RBFOX1: variants seen among roughly 807,000 people sequenced by gnomAD.
RBFOX1 encodes the protein RNA binding protein fox-1 homolog 1.
Under a neutral mutation model 57.7 loss-of-function variants are expected in RBFOX1, and 8 were observed. The ratio of observed to expected loss-of-function variants is 0.14; its 90% CI spans 0.08 to 0.25. The LOEUF is 0.25. RBFOX1 is among the 10% of genes least tolerant of loss of function. The probability of loss-of-function intolerance (pLI) is 1.00; values close to 1 mark genes in which losing one functional copy is unlikely to be tolerated. For synonymous variants in RBFOX1, 326 were observed against 222.4 expected (o/e 1.47, Z -4.15); for missense variants, 611 against 548.5 (o/e 1.11, Z -1.14).
intron 4 of RBFOX1, among the ~76,000 whole-genome samples, chr16:5,911,705 G>T (rs928034051): frequency 6.6e-6 from 1 of 152,164 alleles, no homozygotes; most frequent in African/African-American, 2.4e-5. Flanking sequence ...GGGAAGTCCA[G>T]GATGAAGGCA....
At chr16:6,929,926 A>G (rs1207425445) in intron 3 of RBFOX1, among the ~76,000 whole-genome samples, 1 of 152,214 alleles carries the variant, frequency 6.6e-6, no homozygotes, top group Non-Finnish European at 1.5e-5. Context: ...GAAAACATCC[A>G]CTATGCATTC....
intron 2 of RBFOX1, among the ~76,000 whole-genome samples, chr16:6,510,980 G>A (rs113660661): frequency 1.6e-3 from 246 of 152,268 alleles, no homozygotes; most frequent in African/African-American, 5.6e-3. Context: ...GTCTCCCACG[G>A]CAGCATCCAA....
chr16:5,575,567 G>C (rs1265853922), intron 2 of RBFOX1, among the ~76,000 whole-genome samples: 2 of 152,192 alleles, frequency 1.3e-5, no homozygotes, highest in Admixed American at 1.3e-4. Context: ...CTACCTGACG[G>C]AAGTGAACAC....
chr16:6,115,551 T>C (rs1421124673), intron 1 of RBFOX1, among the ~76,000 whole-genome samples: 1 of 152,162 alleles, frequency 6.6e-6, no homozygotes, highest in African/African-American at 2.4e-5. Context: ...CTGTTTTTTT[T>C]CCCCTCTGTC....
intron 1 of RBFOX1, among the ~76,000 whole-genome samples, chr16:5,462,467 C>G (rs371074055): frequency 6.6e-6 from 1 of 152,076 alleles, no homozygotes; most frequent in Non-Finnish European, 1.5e-5. Context: ...CGCGCCCGGC[C>G]GAAACCCAGT....
In RBFOX1 at chr16:7,653,982, C is replaced by A. The variant is rs1160860233; in HGVS notation, c.890+35C>A. On this transcript the variant is annotated intron_variant, in intron 12 of 15. Coordinates refer to ENST00000550418, the MANE Select transcript of RBFOX1 (RefSeq NM_018723.4). Reference sequence around the variant, plus strand: ...GCAGCCTCCTGGGTGGGCCTCCCTGCACCAGCCCTCCCTCCCCAGAGGCAC... The same window carrying A: ...GCAGCCTCCTGGGTGGGCCTCCCTGAACCAGCCCTCCCTCCCCAGAGGCAC... The A allele has an allele frequency of 5.5e-6, 8 of 1,457,326 alleles. No individual in the cohort carries two copies. In the Admixed American group the frequency reaches 1.3e-4, roughly 24 times the overall value. 90.3% of individuals were successfully genotyped at this position (1,457,326 alleles called of 1,614,324 possible).
At chr16:6,941,484 T>G (rs1004218179) in intron 3 of RBFOX1, among the ~76,000 whole-genome samples, 7 of 151,892 alleles carry the variant, frequency 4.6e-5, no homozygotes, top group Non-Finnish European at 8.8e-5. Context: ...GCCGTAAACT[T>G]TTGATCTATT....
At chr16:5,499,729 C>CGCCTG (rs1567165852) in intron 2 of RBFOX1, among the ~76,000 whole-genome samples, 1 of 151,970 alleles carries the variant, frequency 6.6e-6, no homozygotes, top group African/African-American at 2.4e-5. Flanking sequence ...CCCACCACCA[C>CGCCTG]GCCTGGCTAA....
intron 1 of RBFOX1, among the ~76,000 whole-genome samples, chr16:6,300,652 C>A (rs772314894): frequency 8.5e-5 from 13 of 152,154 alleles, no homozygotes; most frequent in Non-Finnish European, 1.6e-4. Context: ...ATTCTGGCTC[C>A]GGAAAACTAT....
At chr16:6,478,596 A>T (rs1239146231) in intron 2 of RBFOX1, among the ~76,000 whole-genome samples, 3 of 151,124 alleles carry the variant, frequency 2.0e-5, no homozygotes, top group Non-Finnish European at 4.4e-5. Context: ...AAGCTTAATC[A>T]TTTCTAGCTT....
In RBFOX1 at chr16:6,272,323, T is replaced by A. The variant is rs535170132; in HGVS notation, c.-126-44672T>A. 9.5e-4 allele frequency among the ~76,000 whole-genome samples: 145 copies of A among 152,298 alleles called. 1 individual carries two copies. The Middle Eastern group carries it at 0.014, about 14-fold the overall frequency. ...TGTTAAAGAACACCTACCAAACACCTACAGCTGACATGCTGATACCACAAT... is the reference window on the plus strand; with the variant it reads ...TGTTAAAGAACACCTACCAAACACCAACAGCTGACATGCTGATACCACAAT... On this transcript the variant is annotated intron_variant, in intron 1 of 15. Transcript: ENST00000550418.
chr16:5,314,829 G>A (rs1325833942), intron 1 of RBFOX1, among the ~76,000 whole-genome samples: 49 of 139,400 alleles, frequency 3.5e-4, no homozygotes, highest in Admixed American at 5.0e-4. Flanking sequence ...GAAGATATTG[G>A]AAAAAAAAAA....
chr16:6,937,273 C>A (rs529823742), intron 3 of RBFOX1, among the ~76,000 whole-genome samples: 2 of 152,142 alleles, frequency 1.3e-5, no homozygotes, highest in Non-Finnish European at 2.9e-5. Context: ...TGCCAACTCA[C>A]GACCAACACT....
intron 3 of RBFOX1, among the ~76,000 whole-genome samples, chr16:6,787,540 T>C (rs1603623736): frequency 6.6e-6 from 1 of 152,182 alleles, no homozygotes; most frequent in South Asian, 2.1e-4. Flanking sequence ...GTGTAAACTG[T>C]ATTAATTTGT....
At chr16:5,505,852 G>C (rs1276221013) in intron 2 of RBFOX1, among the ~76,000 whole-genome samples, 1 of 152,136 alleles carries the variant, frequency 6.6e-6, no homozygotes, top group Non-Finnish European at 1.5e-5. Flanking sequence ...TGTGTCTAGA[G>C]GGATGAAGCC....
At chr16:7,308,788 G>T (rs1396918249) in intron 4 of RBFOX1, among the ~76,000 whole-genome samples, 1 of 152,234 alleles carries the variant, frequency 6.6e-6, no homozygotes, top group South Asian at 2.1e-4. Context: ...AGGCGTTGGG[G>T]AGGGTGGCCC....
At chr16:7,522,028 G>T (rs1326440479) in intron 5 of RBFOX1, among the ~76,000 whole-genome samples, 1 of 152,178 alleles carries the variant, frequency 6.6e-6, no homozygotes, top group South Asian at 2.1e-4. Context: ...CTCCATTCCT[G>T]GCTTGTGTGG....
At chr16:5,773,660 G>C (rs1250901282) in intron 3 of RBFOX1, among the ~76,000 whole-genome samples, 3 of 152,164 alleles carry the variant, frequency 2.0e-5, no homozygotes, top group African/African-American at 7.2e-5. Context: ...GATTATTTCT[G>C]AAAAATAGAA....
At chr16:6,997,287 C>G (rs1384774411) in intron 3 of RBFOX1, among the ~76,000 whole-genome samples, 2 of 152,048 alleles carry the variant, frequency 1.3e-5, no homozygotes, top group Non-Finnish European at 2.9e-5. Flanking sequence ...AAGTCTGCCA[C>G]CAATACATGT....
Sources: allele counts gnomAD v4.1 joint callset (sites outside exome capture counted in the v4.1 genomes callset), GRCh38; gene constraint gnomAD v4.1.1; transcripts MANE v1.5; gene names NCBI Gene and HGNC (gene_info 2026-07-23, HGNC 2026-07-21).